The following ACSM2B variants were observed in gnomAD, a reference collection of about 807,000 sequenced individuals.
The protein encoded by ACSM2B is acyl-CoA synthetase medium chain family member 2B.
Under a neutral mutation model 78.6 loss-of-function variants are expected in ACSM2B, and 58 were observed. That is an observed-to-expected ratio of 0.74 (90% CI 0.60 to 0.92). The LOEUF (loss-of-function observed/expected upper bound fraction) is 0.92. Among genes scored for constraint, ACSM2B ranks in the 40% least tolerant of loss-of-function variants. The pLI is 0.00. For missense variants in ACSM2B, 688 were observed against 711.2 expected, an observed-to-expected ratio of 0.97 and a Z score of 0.37; for synonymous variants, 257 against 256.8, an observed-to-expected ratio of 1.00 and a Z score of -0.01.
At chr16:20,574,112 C>T (rs1464133699) in intron 1 of ACSM2B, 2 of 152,144 alleles carry the variant, frequency 1.3e-5, no homozygotes, top group Non-Finnish European at 2.9e-5. Flanking sequence ...TAGACCTACC[C>T]CCAGGAATGC....
intron 6 of ACSM2B, among the ~76,000 whole-genome samples, chr16:20,548,918 G>A (rs867768176): frequency 5.3e-5 from 8 of 152,152 alleles, no homozygotes; most frequent in South Asian, 2.1e-4. Flanking sequence ...ATATTTTTGG[G>A]ATATATTTTA....
rs746101181 is a variant in ACSM2B, at chr16:20,548,377, C to T, written c.974+17G>A. On this transcript the variant is annotated intron_variant, in intron 7 of 13. Transcript: ENST00000329697. ...GATGGGGCCAGACTCTCTTACCAAT[C>T]CTCAAAGCCCCATCACCTGGAAAGA... The T allele has an allele frequency of 6.4e-5, 103 of 1,613,400 alleles. No individual in the cohort carries two copies. Among genetic ancestry groups the T allele is most frequent in the Non-Finnish European group, 8.4e-5 (99 of 1,179,700 alleles).
intron 1 of ACSM2B, among the ~76,000 whole-genome samples, chr16:20,566,122 T>G (rs2015820390): frequency 6.8e-6 from 1 of 145,994 alleles, no homozygotes; most frequent in Non-Finnish European, 1.5e-5. Flanking sequence ...ATATAAAAAT[T>G]CTATTTTTAT....
At chr16:20,541,982 A>T (rs1406838569) in intron 12 of ACSM2B, 2 of 152,138 alleles carry the variant, frequency 1.3e-5, no homozygotes, top group Non-Finnish European at 2.9e-5. Flanking sequence ...TCATTTCATA[A>T]TATTTGTACA....
intron 10 of ACSM2B, chr16:20,544,856 T>C: frequency 1.9e-6 from 2 of 1,041,014 alleles, no homozygotes; most frequent in Non-Finnish European, 2.3e-6. Context: ...CTTGGGGGAA[T>C]GGTGCTGTGT....
chr16:20,541,642 C>T (rs1019209763), intron 12 of ACSM2B: 1 of 152,428 alleles, frequency 6.6e-6, no homozygotes, highest in Admixed American at 6.6e-5. Flanking sequence ...TTGTTCCAAG[C>T]ACTTCACTTT....
chr16:20,564,134 C>T (rs2015748280), intron 2 of ACSM2B, among the ~76,000 whole-genome samples: 1 of 152,164 alleles, frequency 6.6e-6, no homozygotes, highest in Non-Finnish European at 1.5e-5. Context: ...GAGAGAATCT[C>T]ACTCTGTGGA....
At position 20,543,244 on chromosome 16, in the gene ACSM2B, C is replaced by G. The variant is rs1254693040; in HGVS notation, c.1300G>C (p.Ala434Pro). Residue 434 changes from alanine to proline, a missense_variant, in exon 11 of 14, where the codon GCA becomes CCA. Physicochemically the swap from Ala to Pro is conservative, Grantham distance 27. Coordinates refer to ENST00000329697, the MANE Select transcript of ACSM2B (RefSeq NM_001105069.2). ...SGYVENPDKT[A>P]ANIRGDFWLL... ...CAAAAGTCTCCTCGAATGTTGGCTG[C>G]TGTCTTGTCGGGATTTTCCTGGTGA... The G allele has an allele frequency of 6.2e-7, 1 of 1,613,486 alleles. No homozygotes were observed. Among genetic ancestry groups the G allele is most frequent in the Non-Finnish European group, 8.5e-7 (1 of 1,179,872 alleles).
At chr16:20,563,129 G>C (rs966234870) in intron 2 of ACSM2B, among the ~76,000 whole-genome samples, 1 of 152,074 alleles carries the variant, frequency 6.6e-6, no homozygotes. Flanking sequence ...AAGATGTCTT[G>C]TGATAATTAA....
intron 8 of ACSM2B, 101 bp downstream of exon 8, chr16:20,547,961 A>G (rs2015189700): frequency 3.8e-6 from 6 of 1,565,294 alleles, no homozygotes; most frequent in East Asian, 2.3e-5. Context: ...ATATTTCTCA[A>G]ATAAATGAAT....
rs2015441501 is a variant in ACSM2B at position 20,555,387 on chromosome 16, C to T, written c.478G>A (p.Gly160Arg). 1.2e-6 allele frequency: 2 copies of T among 1,613,824 alleles called. No individual in the cohort carries two copies. The highest frequency in any genetic ancestry group is 1.7e-6 in the Non-Finnish European group (2 of 1,179,856). ...QMSKAKAIVA[G>R]DEVIQEVDTV... ...TCCACTTCTTGGATGACTTCATCCC[C>T]AGCAACAATAGCCTTGGCCTTAGAC... The change falls in exon 4 of 14, where the codon GGG (glycine) becomes AGG (arginine). Residue 160 changes from glycine to arginine, a missense_variant. Gly to Arg is a moderately radical substitution (Grantham distance 125, BLOSUM62 -2). Transcript: ENST00000329697.
At chr16:20,553,979 T>C in intron 4 of ACSM2B, 59 bp from the exon 5 acceptor site, 2 of 1,607,642 alleles carry the variant, frequency 1.2e-6, no homozygotes, top group Non-Finnish European at 1.7e-6. Flanking sequence ...GATATCAAAG[T>C]GACCCATCTT....
intron 3 of ACSM2B, among the ~76,000 whole-genome samples, chr16:20,556,190 TA>T (rs2015468272): frequency 6.6e-6 from 1 of 152,200 alleles, no homozygotes; most frequent in Non-Finnish European, 1.5e-5. Context: ...CAATTTATCT[TA>T]AAAAATTAGA....
intron 12 of ACSM2B, 37 bp downstream of exon 12, chr16:20,542,877 A>G: frequency 1.2e-6 from 2 of 1,611,306 alleles, no homozygotes; most frequent in Non-Finnish European, 1.7e-6. Flanking sequence ...CCTTGTGTTC[A>G]TATCTGTTCA....
intron 4 of ACSM2B, 49 bp from the exon 5 acceptor site, chr16:20,553,969 G>T (rs371192925): frequency 1.2e-6 from 2 of 1,609,720 alleles, no homozygotes; most frequent in Non-Finnish European, 1.7e-6. Context: ...CTGGACACCA[G>T]ATATCAAAGT....
chr16:20,561,687 T>A (rs1384908348), intron 2 of ACSM2B, among the ~76,000 whole-genome samples: 1 of 151,952 alleles, frequency 6.6e-6, no homozygotes, highest in Non-Finnish European at 1.5e-5. Flanking sequence ...ATAATCTCTT[T>A]TTTTTTTGGT....
intron 13 of ACSM2B, among the ~76,000 whole-genome samples, 167 bp from the exon 14 acceptor site, chr16:20,537,529 A>G (rs2014878168): frequency 6.6e-6 from 1 of 152,158 alleles, no homozygotes; most frequent in Admixed American, 6.5e-5. Context: ...GAGGACAATA[A>G]GAGGATGGCT....
chr16:20,570,591 G>A, intron 1 of ACSM2B, among the ~76,000 whole-genome samples: 1 of 151,778 alleles, frequency 6.6e-6, no homozygotes, highest in Non-Finnish European at 1.5e-5. Flanking sequence ...GATTTAGGGA[G>A]GATTCCCTCT....
Position 20,548,292 on chromosome 16 carries a change from G to C in ACSM2B, c.974+102C>G, listed in dbSNP as rs577817277. 4.4e-6 allele frequency: 7 copies of C among 1,605,062 alleles called. No individual in the cohort carries two copies. The East Asian group carries it at 1.6e-4, about 36-fold the overall frequency. On this transcript the variant is annotated intron_variant, in intron 7 of 13. Transcript: ENST00000329697. The stretch of plus-strand genomic sequence containing the variant: ...TTGATGATGCAAATGGCTTCATGGG[G>C]CTCTCTGTGTGCGAGAGATTCAGAT...
Sources: allele counts gnomAD v4.1 joint callset (sites outside exome capture counted in the v4.1 genomes callset), GRCh38; gene constraint gnomAD v4.1.1; transcripts MANE v1.5; gene names NCBI Gene and HGNC (gene_info 2026-07-23, HGNC 2026-07-21).